Variants in RPS6KC1 observed in about 807,000 individuals in gnomAD.
RPS6KC1 encodes inactive ribosomal protein S6 kinase delta-1.
In RPS6KC1, 54 loss-of-function variants were observed where a neutral mutation model predicts 103.8. The ratio of observed to expected loss-of-function variants is 0.52; its 90% CI spans 0.42 to 0.65. The LOEUF is 0.65. Ranked by LOEUF, RPS6KC1 falls within the 30% of genes least tolerant of loss-of-function variation. The probability of loss-of-function intolerance (pLI) is 0.00; values close to 1 mark genes in which losing one functional copy is unlikely to be tolerated. For missense variants in RPS6KC1, 1,151 were observed against 1,253.8 expected, an observed-to-expected ratio of 0.92 and a Z score of 1.24; for synonymous variants, 439 against 438.7, an observed-to-expected ratio of 1.00 and a Z score of -0.01.
the RPS6KC1 span, among the ~76,000 whole-genome samples, chr1:213,568,258 C>T: frequency 6.6e-6 from 1 of 152,206 alleles, no homozygotes; most frequent in East Asian, 1.9e-4. Context: ...AGTGCTAGAA[C>T]TGGGAAAATT....
rs1488204944 is a variant in RPS6KC1 at position 213,263,580 on chromosome 1, A to G, written c.3090+764A>G. On this transcript the variant is annotated intron_variant, in intron 14 of 14. Transcript: ENST00000366960. ...AAAAGTTCCTTGAAAAATATCAAGA[A>G]CTAAAATTATGTAATGAAACATGGA... 2.0e-5 allele frequency among the ~76,000 whole-genome samples: 3 copies of G among 152,290 alleles called. No individual in the cohort carries two copies. In the East Asian group the frequency reaches 5.8e-4, roughly 29 times the overall value.
intron 4 of RPS6KC1, among the ~76,000 whole-genome samples, chr1:213,110,387 G>C (rs762204524): frequency 1.3e-5 from 2 of 152,008 alleles, no homozygotes; most frequent in Non-Finnish European, 2.9e-5. Context: ...ATGTTAGTGT[G>C]TTTAGTAACT....
chr1:213,082,859 A>G (rs2080028272), intron 3 of RPS6KC1, among the ~76,000 whole-genome samples: 1 of 152,232 alleles, frequency 6.6e-6, no homozygotes, highest in African/African-American at 2.4e-5. Context: ...CCAGTGTGAA[A>G]TAAAATGTTT....
chr1:213,646,229 G>A, the RPS6KC1 span, among the ~76,000 whole-genome samples: 1 of 152,172 alleles, frequency 6.6e-6, no homozygotes, highest in Non-Finnish European at 1.5e-5. Flanking sequence ...AGGCTTTGGG[G>A]CTAGTGTAGT....
intron 6 of RPS6KC1, among the ~76,000 whole-genome samples, chr1:213,132,970 A>G (rs2085816267): frequency 6.6e-6 from 1 of 152,202 alleles, no homozygotes. Flanking sequence ...TGGTATTTGC[A>G]CAGCTGAGAC....
intron 12 of RPS6KC1, among the ~76,000 whole-genome samples, chr1:213,247,774 A>G (rs914372467): frequency 1.3e-5 from 2 of 152,200 alleles, no homozygotes; most frequent in African/African-American, 4.8e-5. Flanking sequence ...CACAAAATGT[A>G]CTCAAAATTG....
At chr1:213,205,536 T>TTATTTATATATATATA (rs1553378415) in intron 8 of RPS6KC1, 1 of 82,320 alleles carries the variant, frequency 1.2e-5, no homozygotes, top group East Asian at 3.4e-4. Context: ...ACAAACTCAT[T>TTATTTATATATATATA]TATATATATA....
the RPS6KC1 span, among the ~76,000 whole-genome samples, chr1:213,401,596 A>G: frequency 6.6e-6 from 1 of 152,078 alleles, no homozygotes; most frequent in Non-Finnish European, 1.5e-5. Context: ...TTACTAATAA[A>G]TGAAATGTCT....
chr1:213,402,880 C>T, the RPS6KC1 span, among the ~76,000 whole-genome samples: 10 of 148,644 alleles, frequency 6.7e-5, no homozygotes, highest in Non-Finnish European at 8.9e-5. Flanking sequence ...TGGGGGAGGC[C>T]GAGGCGGGCA....
the RPS6KC1 span, among the ~76,000 whole-genome samples, chr1:213,612,258 G>A: frequency 1.3e-5 from 2 of 152,356 alleles, no homozygotes; most frequent in African/African-American, 2.4e-5. Flanking sequence ...AACCACTTGT[G>A]CTACATAATC....
intron 8 of RPS6KC1, among the ~76,000 whole-genome samples, chr1:213,198,122 G>A (rs1434070140): frequency 6.6e-6 from 1 of 152,046 alleles, no homozygotes; most frequent in African/African-American, 2.4e-5. Context: ...AGAACTTTTA[G>A]CATTTCTTGT....
the RPS6KC1 span, among the ~76,000 whole-genome samples, chr1:213,542,420 A>G: frequency 6.6e-6 from 1 of 152,188 alleles, no homozygotes; most frequent in Non-Finnish European, 1.5e-5. Flanking sequence ...CTTCAGAAGG[A>G]TGGGACAGGC....
At chr1:213,114,569 C>G (rs1442174452) in intron 4 of RPS6KC1, among the ~76,000 whole-genome samples, 1 of 151,662 alleles carries the variant, frequency 6.6e-6, no homozygotes, top group Non-Finnish European at 1.5e-5. Context: ...GCCTAATTGC[C>G]CTGGCCAGAA....
chr1:213,638,328 T>C, the RPS6KC1 span, among the ~76,000 whole-genome samples: 2 of 152,150 alleles, frequency 1.3e-5, no homozygotes, highest in Non-Finnish European at 2.9e-5. Context: ...CTGTAGTTTG[T>C]CATTTCATTC....
chr1:213,231,669 GACTTAATATTGTTTGT>G (rs2094107430), intron 9 of RPS6KC1, among the ~76,000 whole-genome samples: 1 of 152,070 alleles, frequency 6.6e-6, no homozygotes. Context: ...CTTGTAAGAA[GACTTAATATTGTTTGT>G]ACTTTTGGGG....
chr1:213,121,527 T>A (rs990646639), intron 5 of RPS6KC1, among the ~76,000 whole-genome samples: 16 of 152,232 alleles, frequency 1.1e-4, no homozygotes, highest in Non-Finnish European at 1.8e-4. Context: ...CTATTTCAAC[T>A]TATGTCTTTT....
chr1:213,620,869 A>T, the RPS6KC1 span, among the ~76,000 whole-genome samples: 1 of 152,144 alleles, frequency 6.6e-6, no homozygotes, highest in African/African-American at 2.4e-5. Context: ...GTACTTACTA[A>T]AGAATTAGAG....
chr1:213,758,462 C>T, the RPS6KC1 span, among the ~76,000 whole-genome samples: 1 of 152,002 alleles, frequency 6.6e-6, no homozygotes, highest in East Asian at 1.9e-4. Context: ...TCTGTGATCC[C>T]AGCTACTCAG....
chr1:213,402,978 A>T, the RPS6KC1 span, among the ~76,000 whole-genome samples: 1 of 144,530 alleles, frequency 6.9e-6, no homozygotes, highest in South Asian at 2.2e-4. Context: ...AAAAAAAAAA[A>T]TTAGCCAGGC....
Sources: gnomAD v4.1 joint callset for allele counts (sites outside exome capture counted in the v4.1 genomes callset) on GRCh38, gnomAD v4.1.1 for gene constraint, MANE v1.5 for transcripts, NCBI Gene and HGNC (gene_info 2026-07-23, HGNC 2026-07-21) for gene names.